The following EVL variants were observed in gnomAD, a reference collection of about 807,000 sequenced individuals.
The protein encoded by EVL is Enah/Vasp-like, also known as ena/VASP-like protein.
In EVL, 21 loss-of-function variants were observed where a neutral mutation model predicts 59.6. The ratio of observed to expected loss-of-function variants is 0.35; its 90% CI spans 0.25 to 0.51. The LOEUF (loss-of-function observed/expected upper bound fraction) is 0.51, where lower values mean the gene tolerates loss of function less well. Ranked by LOEUF, EVL falls within the 20% of genes least tolerant of loss-of-function variation. The pLI is 0.97. For synonymous variants in EVL, 198 were observed against 203.5 expected, an observed-to-expected ratio of 0.97 and a Z score of 0.23; for missense variants, 462 against 546.6, an observed-to-expected ratio of 0.85 and a Z score of 1.54.
chr14:100,141,635 G>A (rs1889173746), intron 12 of EVL, 101 bp from the exon 13 acceptor site: 3 of 1,071,792 alleles, frequency 2.8e-6, no homozygotes, highest in Non-Finnish European at 4.1e-6. Context: ...CAACTCTGGA[G>A]AGGCCCAGGA....
At chr14:100,024,586 C>T (rs1375543801) in intron 1 of EVL, among the ~76,000 whole-genome samples, 3 of 152,174 alleles carry the variant, frequency 2.0e-5, no homozygotes, top group Non-Finnish European at 4.4e-5. Context: ...AATGGACTCT[C>T]TCCTCCATAC....
Position 100,128,449 on chromosome 14 carries a change from G to A in EVL, c.488-70G>A, listed in dbSNP as rs1214909246. On this transcript the variant is annotated intron_variant, in intron 5 of 13. Transcript: ENST00000392920. ...CCCCTGTCCTTCCTCCGGGGAACCT[G>A]AGCTGAGAGCAGCAGGCTTGGCCCC... The A allele has an allele frequency of 2.0e-6, 3 of 1,514,470 alleles. No homozygotes were observed. In the African/African-American group the frequency reaches 4.1e-5, roughly 21 times the overall value. 93.8% of individuals were successfully genotyped at this position (1,514,470 alleles called of 1,614,324 possible).
intron 1 of EVL, among the ~76,000 whole-genome samples, chr14:100,006,079 G>A (rs1260065455): frequency 2.0e-5 from 3 of 151,320 alleles, no homozygotes; most frequent in Non-Finnish European, 4.4e-5. Flanking sequence ...CCACTTCAGA[G>A]GCCTCGTTCC....
chr14:100,128,134 C>A (rs1365664749), intron 5 of EVL, among the ~76,000 whole-genome samples: 3 of 152,204 alleles, frequency 2.0e-5, no homozygotes, highest in African/African-American at 7.2e-5. Context: ...TGGTGACCAA[C>A]TTCTGCCTAG....
intron 3 of EVL, among the ~76,000 whole-genome samples, chr14:100,116,991 A>G (rs760957567): frequency 6.6e-6 from 1 of 152,216 alleles, no homozygotes; most frequent in Non-Finnish European, 1.5e-5. Context: ...AGAACCGTCC[A>G]GGAGAGCACA....
intron 1 of EVL, among the ~76,000 whole-genome samples, chr14:100,010,644 G>A (rs779161488): frequency 4.6e-5 from 7 of 152,156 alleles, no homozygotes; most frequent in Admixed American, 6.5e-5. Flanking sequence ...TGATCCACCC[G>A]CCTTGGCCTC....
At chr14:100,064,865 G>A (rs1007037886), upstream of EVL, among the ~76,000 whole-genome samples, 3 of 152,272 alleles carry the variant, frequency 2.0e-5, no homozygotes, top group Non-Finnish European at 2.9e-5. Flanking sequence ...AGCCAAGATC[G>A]TGCCATTGCA....
At chr14:100,052,437 A>G (rs947210723) in intron 1 of EVL, among the ~76,000 whole-genome samples, 3 of 152,174 alleles carry the variant, frequency 2.0e-5, no homozygotes, top group African/African-American at 7.2e-5. Context: ...ACCTTGAAAA[A>G]TTGTAGATGT....
At chr14:99,978,603 C>T (rs1385824427) in intron 1 of EVL, among the ~76,000 whole-genome samples, 1 of 152,096 alleles carries the variant, frequency 6.6e-6, no homozygotes, top group Non-Finnish European at 1.5e-5. Flanking sequence ...ACCTGAAGTA[C>T]TTGGCTTTAG....
chr14:99,975,593 A>G (rs1229630059), intron 1 of EVL, among the ~76,000 whole-genome samples: 3 of 152,220 alleles, frequency 2.0e-5, no homozygotes, highest in Non-Finnish European at 4.4e-5. Flanking sequence ...GTTCCACCTC[A>G]GATCATCAGG....
At chr14:100,043,357 G>A (rs2061497061) in intron 1 of EVL, among the ~76,000 whole-genome samples, 1 of 151,264 alleles carries the variant, frequency 6.6e-6, no homozygotes, top group African/African-American at 2.4e-5. Context: ...TAGAGGTATT[G>A]AGTCATGATT....
intron 1 of EVL, among the ~76,000 whole-genome samples, chr14:100,017,971 G>A (rs902529620): frequency 8.5e-5 from 13 of 152,230 alleles, no homozygotes; most frequent in Non-Finnish European, 1.3e-4. Flanking sequence ...GAGCACCTTC[G>A]TGCGAATGCA....
At chr14:100,072,759 C>G (rs976613336) in intron 1 of EVL, among the ~76,000 whole-genome samples, 2 of 152,138 alleles carry the variant, frequency 1.3e-5, no homozygotes, top group Admixed American at 6.5e-5. Flanking sequence ...AAAAGAGTGT[C>G]CCTTACATGT....
At chr14:100,096,254 A>C (rs1172503156) in intron 2 of EVL, among the ~76,000 whole-genome samples, 2 of 152,226 alleles carry the variant, frequency 1.3e-5, no homozygotes, top group Non-Finnish European at 2.9e-5. Context: ...CGTTATCCCC[A>C]ACCTCAGATC....
intron 3 of EVL, among the ~76,000 whole-genome samples, chr14:100,104,730 CCTA>C (rs1182252573): frequency 6.6e-6 from 1 of 152,096 alleles, no homozygotes; most frequent in Non-Finnish European, 1.5e-5. Flanking sequence ...AGTCTGAGTG[CCTA>C]TTTGAGAAAG....
chr14:100,056,982 A>G (rs1226519170), intron 1 of EVL, among the ~76,000 whole-genome samples: 2 of 152,242 alleles, frequency 1.3e-5, no homozygotes, highest in African/African-American at 4.8e-5. Context: ...ATTTCAAAAT[A>G]CAGAAGTAGC....
At position 99,972,862 on chromosome 14, in the gene EVL, T is replaced by C. The variant is rs1370632800; in HGVS notation, c.5+805T>C. Among the ~76,000 whole-genome samples, 2 of 152,186 alleles carry C rather than the reference T, an allele frequency of 1.3e-5. No homozygotes were observed. The highest frequency in any genetic ancestry group is 4.8e-5 in the African/African-American group (2 of 41,446). On this transcript the variant is annotated intron_variant, in intron 1 of 13. Coordinates refer to the EVL transcript ENST00000402714. This position sits in a 1 kb window ranked among gnomAD's most constrained non-coding sequence, Gnocchi z 4.4. Reference sequence around the variant, plus strand: ...CACGTATCTCGTAAAAACTGTAGTTTGTAACTATAGTTTCGTTTTGCCTGT... The same window carrying C: ...CACGTATCTCGTAAAAACTGTAGTTCGTAACTATAGTTTCGTTTTGCCTGT...
intron 2 of EVL, chr14:100,097,092 C>G (rs1339439754): frequency 5.9e-6 from 1 of 168,280 alleles, no homozygotes; most frequent in Non-Finnish European, 1.3e-5. Context: ...TTCGCAGTAA[C>G]CCCATTGGAT....
intron 2 of EVL, among the ~76,000 whole-genome samples, chr14:100,089,170 A>G (rs961933945): frequency 2.6e-5 from 4 of 152,268 alleles, no homozygotes; most frequent in Non-Finnish European, 4.4e-5. Context: ...GGGAGAAGAG[A>G]CAAATTCAGA....
Sources: allele counts gnomAD v4.1 joint callset (sites outside exome capture counted in the v4.1 genomes callset), GRCh38; gene constraint gnomAD v4.1.1; non-coding constraint Gnocchi (gnomAD v3.1); transcripts MANE v1.5; gene names NCBI Gene and HGNC (gene_info 2026-07-23, HGNC 2026-07-21).